NBEA: variants seen among roughly 807,000 people sequenced by gnomAD.
NBEA encodes neurobeachin, also known as lysosomal-trafficking regulator 2.
A neutral mutation model predicts 343.4 loss-of-function variants in NBEA; 44 were observed. That is an observed-to-expected ratio of 0.13 (90% CI 0.10 to 0.16). The LOEUF is 0.16. Among genes scored for constraint, NBEA ranks in the 10% least tolerant of loss-of-function variants. The pLI, the probability that NBEA is intolerant of heterozygous loss-of-function variation, is 1.00. For synonymous variants in NBEA, 1,175 were observed against 1,238.7 expected (o/e 0.95, Z 1.08); for missense variants, 2,555 against 3,631.3 (o/e 0.70, Z 7.62).
At chr13:35,249,517 AG>A (rs142517508) in intron 34 of NBEA, among the ~76,000 whole-genome samples, 6,406 of 152,308 alleles carry the variant, frequency 0.042, 158 homozygotes, top group South Asian at 0.079. Flanking sequence ...ATACCCATTA[AG>A]CACAAGAAGA....
At chr13:35,143,886 C>A (rs1427860670) in intron 18 of NBEA, among the ~76,000 whole-genome samples, 5 of 149,276 alleles carry the variant, frequency 3.3e-5, no homozygotes, top group Non-Finnish European at 4.4e-5. Flanking sequence ...AGACCCTGTC[C>A]CCTTCAAAAA....
At chr13:35,627,976 G>A (rs1027053588) in intron 48 of NBEA, 105 bp from the exon 49 acceptor site, 1 of 820,072 alleles carries the variant, frequency 1.2e-6, no homozygotes, top group Non-Finnish European at 1.8e-6. Context: ...AATTTAAAGA[G>A]CATATTCTCC....
At chr13:35,235,467 C>G (rs1453764628) in intron 34 of NBEA, among the ~76,000 whole-genome samples, 1 of 151,992 alleles carries the variant, frequency 6.6e-6, no homozygotes, top group Non-Finnish European at 1.5e-5. Flanking sequence ...TAAAATAAAA[C>G]AGGGAATAAA....
At chr13:35,142,863 C>A (rs1425476812) in intron 18 of NBEA, among the ~76,000 whole-genome samples, 1 of 152,138 alleles carries the variant, frequency 6.6e-6, no homozygotes, top group Non-Finnish European at 1.5e-5. Flanking sequence ...TTTAGAGGTT[C>A]CTTTTTTATC....
chr13:35,582,282 T>C (rs1049706474), intron 45 of NBEA, among the ~76,000 whole-genome samples: 1 of 152,022 alleles, frequency 6.6e-6, no homozygotes, highest in Non-Finnish European at 1.5e-5. Flanking sequence ...CGAGACTCCA[T>C]CTCAAAAAAA....
intron 40 of NBEA, among the ~76,000 whole-genome samples, chr13:35,458,276 C>T (rs2046695473): frequency 6.6e-6 from 1 of 152,176 alleles, no homozygotes; most frequent in Non-Finnish European, 1.5e-5. Flanking sequence ...TTGATTGTAT[C>T]ATTCTTAAGA....
intron 34 of NBEA, among the ~76,000 whole-genome samples, chr13:35,258,317 G>T (rs910279030): frequency 1.3e-5 from 2 of 151,776 alleles, no homozygotes; most frequent in Non-Finnish European, 2.9e-5. Context: ...ACAGGCATGC[G>T]CCACCACACT....
chr13:35,255,578 C>G (rs1271588044), intron 34 of NBEA, among the ~76,000 whole-genome samples: 1 of 152,256 alleles, frequency 6.6e-6, no homozygotes, highest in African/African-American at 2.4e-5. Context: ...GCAGCTAGAT[C>G]AGGTGCATCA....
Position 35,513,282 on chromosome 13 carries a change from G to A in NBEA, c.6586-37195G>A, listed in dbSNP as rs931335654. Among the ~76,000 whole-genome samples the A allele has an allele frequency of 2.8e-5, 4 of 144,670 alleles. No individual in the cohort carries two copies. In the East Asian group the frequency reaches 6.0e-4, roughly 22 times the overall value. The allele number at this position is 144,670 out of a possible 152,430, so 94.9% of individuals were successfully genotyped here. A position where few individuals can be genotyped will look rare whatever the true frequency, so the allele number is the denominator to read the frequency against. On this transcript the variant is annotated intron_variant, in intron 41 of 58. Coordinates refer to ENST00000379939, the MANE Select transcript of NBEA (RefSeq NM_001385012.1). The stretch of plus-strand genomic sequence containing the variant: ...CTCCCGAGTAGCTGGAATTACAGGC[G>A]CCTGCCACCACACCTGGCAATTTTT...
intron 4 of NBEA, among the ~76,000 whole-genome samples, chr13:35,048,219 A>T (rs1261212942): frequency 1.3e-5 from 2 of 151,944 alleles, no homozygotes; most frequent in Non-Finnish European, 2.9e-5. Flanking sequence ...ACCTAGTGTA[A>T]ACCACAGAAA....
At chr13:35,439,486 C>T (rs976550231) in intron 39 of NBEA, among the ~76,000 whole-genome samples, 1 of 152,140 alleles carries the variant, frequency 6.6e-6, no homozygotes, top group African/African-American at 2.4e-5. Flanking sequence ...GAGACATAAA[C>T]GACCCTTACT....
chr13:35,048,484 T>A, intron 4 of NBEA, 79 bp from the exon 5 acceptor site: 1 of 1,310,544 alleles, frequency 7.6e-7, no homozygotes, highest in South Asian at 1.6e-5. Context: ...TTATTTAATC[T>A]GCAAAAGCCA....
chr13:35,315,746 G>A (rs949662859), intron 36 of NBEA, among the ~76,000 whole-genome samples: 1 of 151,970 alleles, frequency 6.6e-6, no homozygotes, highest in Non-Finnish European at 1.5e-5. Context: ...GCATTTCTTA[G>A]GTTTTTAAGA....
chr13:35,362,244 T>C (rs1350345150), intron 38 of NBEA, among the ~76,000 whole-genome samples: 2 of 151,964 alleles, frequency 1.3e-5, no homozygotes, highest in African/African-American at 4.8e-5. Context: ...GTGCAAACAC[T>C]ATTATGTTGG....
intron 34 of NBEA, among the ~76,000 whole-genome samples, chr13:35,240,637 C>T (rs372781740): frequency 6.6e-6 from 1 of 151,600 alleles, no homozygotes; most frequent in East Asian, 1.9e-4. Context: ...TAGGAAGAAC[C>T]TGTAGCTTAA....
At chr13:35,044,829 TAGAGAGAG>T (rs372735958) in intron 2 of NBEA, 110 bp from the exon 3 acceptor site, 152 of 382,114 alleles carry the variant, frequency 4.0e-4, no homozygotes, top group African/African-American at 2.5e-3. Flanking sequence ...TATATATATA[TAGAGAGAG>T]AGAGAGAGAG....
At chr13:35,670,074 T>C (rs951269420) in intron 58 of NBEA, among the ~76,000 whole-genome samples, 3 of 152,234 alleles carry the variant, frequency 2.0e-5, no homozygotes, top group African/African-American at 7.2e-5. Flanking sequence ...GAATAGTGCA[T>C]GCATATCAAT....
intron 43 of NBEA, among the ~76,000 whole-genome samples, chr13:35,551,477 A>G (rs1422857459): frequency 1.3e-5 from 2 of 152,216 alleles, no homozygotes; most frequent in Non-Finnish European, 2.9e-5. Flanking sequence ...ATTATGGTAT[A>G]GTTGTAACCA....
In NBEA at chr13:34,985,032, C is replaced by G. The variant is rs146767725; in HGVS notation, c.294+41918C>G. Among the ~76,000 whole-genome samples the G allele has an allele frequency of 9.1e-4, 138 of 151,126 alleles. 2 individuals are homozygous for G. The highest frequency in any genetic ancestry group is 3.4e-3 in the Middle Eastern group (1 of 294). On this transcript the variant is annotated intron_variant, in intron 1 of 58. Transcript: ENST00000379939. ...TTTCCTAATTGAATATGCTTTATTTCTTTCTCTTGCCTGATTGCCCTGGCC... is the reference window on the plus strand; with the variant it reads ...TTTCCTAATTGAATATGCTTTATTTGTTTCTCTTGCCTGATTGCCCTGGCC...
Sources: allele counts gnomAD v4.1 joint callset (sites outside exome capture counted in the v4.1 genomes callset), GRCh38; gene constraint gnomAD v4.1.1; transcripts MANE v1.5; gene names NCBI Gene and HGNC (gene_info 2026-07-23, HGNC 2026-07-21).